EXD3: variants seen among roughly 807,000 people sequenced by gnomAD.
EXD3 encodes exonuclease mut-7 homolog.
A neutral mutation model predicts 98.0 loss-of-function variants in EXD3; 92 were observed. The observed-to-expected ratio is 0.94, with a 90% CI of 0.79 to 1.12. EXD3 has a LOEUF of 1.12. EXD3 is among the 50% of genes most tolerant of loss of function. The pLI is 0.00. For synonymous variants in EXD3, 569 were observed against 526.0 expected (o/e 1.08, Z -1.12); for missense variants, 1,222 against 1,191.6 (o/e 1.03, Z -0.38).
rs1051745949 is a variant in EXD3, at chr9:137,348,052, A to G, written c.1998+19T>C. 6.2e-7 allele frequency: 1 copy of G among 1,604,850 alleles called. No individual in the cohort carries two copies. The highest frequency in any genetic ancestry group is 1.1e-5 in the South Asian group (1 of 89,786). ...AGCTGCACCTTGGGAGGACCCCAAG[A>G]CCCTCCCCGCAAACTCACCTCGGCC... On this transcript the variant is annotated intron_variant, in intron 17 of 21. Transcript: ENST00000340951.
At position 137,366,562 on chromosome 9, in the gene EXD3, A is replaced by T. The variant is rs374846667; in HGVS notation, c.587T>A (p.Leu196His). Reference sequence around the variant, plus strand: ...CATGAGGACCAGCAGCCTCCTCTGGAGGTCCGGGAAGCCGGCCACATAGCG... The same window carrying T: ...CATGAGGACCAGCAGCCTCCTCTGGTGGTCCGGGAAGCCGGCCACATAGCG... ...VERYVAGFPDLQRRLLVLMDS... is the reference protein window; with the variant it reads ...VERYVAGFPDHQRRLLVLMDS... The change falls in exon 7 of 22, where the codon CTC (leucine) becomes CAC (histidine). Residue 196 changes from leucine (L) to histidine (H), a missense_variant. Physicochemically the swap from Leu to His is moderately conservative, Grantham distance 99 (BLOSUM62 -3). Coordinates refer to ENST00000340951, the MANE Select transcript of EXD3 (RefSeq NM_017820.5). The T allele has an allele frequency of 9.0e-6, 14 of 1,552,076 alleles. 1 individual carries two copies. The highest frequency in any genetic ancestry group is 2.7e-5 in the African/African-American group (2 of 72,814).
intron 6 of EXD3, among the ~76,000 whole-genome samples, chr9:137,367,127 CGAA>C (rs1835299672): frequency 6.6e-6 from 1 of 152,318 alleles, no homozygotes; most frequent in African/African-American, 2.4e-5. Flanking sequence ...CAACGCCCCT[CGAA>C]GAAGACTCCT....
intron 5 of EXD3, among the ~76,000 whole-genome samples, chr9:137,369,646 A>C (rs1835489665): frequency 6.6e-6 from 1 of 152,152 alleles, no homozygotes; most frequent in African/African-American, 2.4e-5. Flanking sequence ...CTCCAGTCCC[A>C]GCCCTCGGCG....
rs1455525299 is a variant in EXD3, at chr9:137,324,607, C to T, written c.1999-464G>A. The stretch of plus-strand genomic sequence containing the variant: ...GGCTCTTCCCAAAGCTTTGTATGAA[C>T]TGTGGCATAAAACAGATGGATCATT... On this transcript the variant is annotated intron_variant, in intron 17 of 21. Coordinates refer to ENST00000340951, the MANE Select transcript of EXD3 (RefSeq NM_017820.5). This position sits in a 1 kb window ranked among gnomAD's most constrained non-coding sequence, Gnocchi z 4.1. Among the ~76,000 whole-genome samples, 2 of 152,288 alleles carry T rather than the reference C, an allele frequency of 1.3e-5. No homozygotes were observed. The highest frequency in any genetic ancestry group is 2.9e-5 in the Non-Finnish European group (2 of 68,020).
rs1286101656 is a variant in EXD3, at chr9:137,351,534, G to C, written c.1174-6C>G. Reference sequence around the variant, plus strand: ...ACACCAACCACTTGGTGGCACTGCGGGCAGAGAGGGGCAGATGTGATCATC... The same window carrying C: ...ACACCAACCACTTGGTGGCACTGCGCGCAGAGAGGGGCAGATGTGATCATC... On this transcript the variant is annotated splice_polypyrimidine_tract_variant and splice_region_variant and intron_variant, in intron 12 of 21. Coordinates refer to ENST00000340951, the MANE Select transcript of EXD3 (RefSeq NM_017820.5). 3 of 1,570,454 alleles carry C rather than the reference G, an allele frequency of 1.9e-6. No homozygotes were observed. Among genetic ancestry groups the C allele is most frequent in the Admixed American group, 1.9e-5 (1 of 52,756 alleles).
At chr9:137,307,906 C>T (rs142841520) in intron 20 of EXD3, among the ~76,000 whole-genome samples, 3 of 151,808 alleles carry the variant, frequency 2.0e-5, no homozygotes, top group East Asian at 3.9e-4. Context: ...GTTCTAGGCG[C>T]GAGATCTGCT....
rs1322315100 is a variant in EXD3, at chr9:137,422,559, C to T, written c.-48+555G>A. Among the ~76,000 whole-genome samples, 4 of 152,344 alleles carry T rather than the reference C, an allele frequency of 2.6e-5. No individual in the cohort carries two copies. In the East Asian group the frequency reaches 7.7e-4, roughly 29 times the overall value. On this transcript the variant is annotated intron_variant, in intron 1 of 21. Transcript: ENST00000340951. ...AAACCTGAGCCTCTGTTTTGTTCTCCGTTGCACCTGGTGACCCAGGCCGCC... is the reference window on the plus strand; with the variant it reads ...AAACCTGAGCCTCTGTTTTGTTCTCTGTTGCACCTGGTGACCCAGGCCGCC...
intron 17 of EXD3, among the ~76,000 whole-genome samples, chr9:137,341,887 C>G: frequency 2.6e-5 from 1 of 38,054 alleles, no homozygotes; most frequent in African/African-American, 7.3e-5. Flanking sequence ...GCACCAGGAG[C>G]CGTCTCCCAG....
intron 7 of EXD3, chr9:137,366,079 A>C: frequency 1.5e-6 from 1 of 684,040 alleles, no homozygotes; most frequent in Non-Finnish European, 2.7e-6. Flanking sequence ...CCATACAGGC[A>C]CCATATGGGC....
chr9:137,400,102 T>A (rs1276080762), intron 1 of EXD3, among the ~76,000 whole-genome samples: 4 of 151,206 alleles, frequency 2.6e-5, no homozygotes, highest in South Asian at 4.2e-4. Context: ...TCAGATCTCA[T>A]GAGACTTACT....
chr9:137,370,643 A>G (rs9695196), intron 5 of EXD3, among the ~76,000 whole-genome samples: 147,909 of 150,464 alleles, frequency 0.98, 72,721 homozygotes, highest in East Asian at 1. Context: ...GGGCTGTGGT[A>G]TCGACCATCG....
Position 137,407,327 on chromosome 9 carries a change from C to T in EXD3, c.-47-11923G>A, listed in dbSNP as rs1837771009. ...CGGCGAACACGGGGCGGCCCCTCCA[C>T]CTCTGTCCGCCTGCCCTAAATACCG... On this transcript the variant is annotated intron_variant, in intron 1 of 21. Coordinates refer to ENST00000340951, the MANE Select transcript of EXD3 (RefSeq NM_017820.5). This position sits in a 1 kb window ranked among gnomAD's most constrained non-coding sequence, Gnocchi z 4.4. Among the ~76,000 whole-genome samples, 1 of 152,326 alleles carries T rather than the reference C, an allele frequency of 6.6e-6. No homozygotes were observed. The highest frequency in any genetic ancestry group is 1.5e-5 in the Non-Finnish European group (1 of 68,020).
At chr9:137,350,855 C>T (rs1217985604) in intron 14 of EXD3, among the ~76,000 whole-genome samples, 183 bp downstream of exon 14, 3 of 152,110 alleles carry the variant, frequency 2.0e-5, no homozygotes, top group Non-Finnish European at 4.4e-5. Context: ...GCCCTGCTCC[C>T]TCCCTGGAGA....
At chr9:137,375,015 TG>T in intron 3 of EXD3, 1 of 299,296 alleles carries the variant, frequency 3.3e-6, no homozygotes, top group Non-Finnish European at 4.9e-6. Flanking sequence ...ACCCTAGTTT[TG>T]TTTTTTTTTT....
intron 20 of EXD3, among the ~76,000 whole-genome samples, chr9:137,308,178 G>C (rs1452724974): frequency 1.3e-5 from 2 of 152,182 alleles, no homozygotes; most frequent in East Asian, 3.8e-4. Context: ...AGGGGTCACT[G>C]TGGGGCTGAG....
At chr9:137,366,707 G>C (rs374644983) in intron 6 of EXD3, 75 bp from the exon 7 acceptor site, 2 of 1,498,880 alleles carry the variant, frequency 1.3e-6, no homozygotes, top group African/African-American at 2.8e-5. Context: ...AACCCAGAGG[G>C]AGCGGCCAAA....
intron 6 of EXD3, chr9:137,367,704 C>T: frequency 2.0e-6 from 1 of 503,928 alleles, no homozygotes; most frequent in Non-Finnish European, 3.6e-6. Context: ...CTCAGGGCTT[C>T]AGGGGACAGC....
chr9:137,320,677 G>C (rs1831984273), intron 19 of EXD3, among the ~76,000 whole-genome samples: 1 of 152,128 alleles, frequency 6.6e-6, no homozygotes, highest in Admixed American at 6.5e-5. Context: ...CTGCCCTTCT[G>C]CCTCACACCC....
At chr9:137,307,308 A>G in intron 21 of EXD3, 45 bp from the exon 22 acceptor site, 2 of 1,448,718 alleles carry the variant, frequency 1.4e-6, no homozygotes, top group Non-Finnish European at 1.8e-6. Context: ...GCCTTCGGGC[A>G]CGGCCCCCAG....
Sources: allele counts gnomAD v4.1 joint callset (sites outside exome capture counted in the v4.1 genomes callset), GRCh38; gene constraint gnomAD v4.1.1; non-coding constraint Gnocchi (gnomAD v3.1); transcripts MANE v1.5; gene names NCBI Gene and HGNC (gene_info 2026-07-23, HGNC 2026-07-21).